Variants in NTNG2 observed in about 807,000 individuals in gnomAD.
The protein encoded by NTNG2 is netrin-G2.
In NTNG2, 15 loss-of-function variants were observed where a neutral mutation model predicts 47.6. That is an observed-to-expected ratio of 0.32 (90% CI 0.21 to 0.49). The LOEUF (loss-of-function observed/expected upper bound fraction) is 0.49, where lower values mean the gene tolerates loss of function less well. NTNG2 is among the 20% of genes least tolerant of loss of function. The pLI, the probability that NTNG2 is intolerant of heterozygous loss-of-function variation, is 0.99. For synonymous variants in NTNG2, 307 were observed against 324.6 expected (o/e 0.95, Z 0.58); for missense variants, 578 against 764.6 (o/e 0.76, Z 2.88).
intron 2 of NTNG2, among the ~76,000 whole-genome samples, chr9:132,170,068 G>A (rs995811858): frequency 2.0e-5 from 3 of 152,106 alleles, no homozygotes; most frequent in African/African-American, 7.2e-5. Flanking sequence ...CCCCTTCAGT[G>A]GCAGGTGCTA....
intron 3 of NTNG2, among the ~76,000 whole-genome samples, chr9:132,199,270 T>G (rs1270661149): frequency 1.3e-5 from 2 of 152,150 alleles, no homozygotes; most frequent in Non-Finnish European, 2.9e-5. Flanking sequence ...GCTCTCATGT[T>G]CAGGGGTTTC....
rs1589375686 is a variant in NTNG2 at position 132,174,419 on chromosome 9, T to G, written c.213+7375T>G. On this transcript the variant is annotated intron_variant, in intron 2 of 7. Transcript: ENST00000393229. ...GCCGCACCATGCTGCGGATGAGAAC[T>G]TGGGCTTCTGGAGGGAGGAGATGGG... Among the ~76,000 whole-genome samples the G allele has an allele frequency of 2.0e-5, 3 of 152,126 alleles. No homozygotes were observed. In the East Asian group the frequency reaches 5.8e-4, roughly 29 times the overall value.
At chr9:132,193,460 A>G (rs1376905439) in intron 2 of NTNG2, among the ~76,000 whole-genome samples, 1 of 152,110 alleles carries the variant, frequency 6.6e-6, no homozygotes, top group African/African-American at 2.4e-5. Flanking sequence ...GAAAACCAGG[A>G]GGACAGACAG....
chr9:132,198,774 C>T (rs1285527509), intron 3 of NTNG2, among the ~76,000 whole-genome samples, 165 bp downstream of exon 3: 2 of 151,914 alleles, frequency 1.3e-5, no homozygotes, highest in South Asian at 2.1e-4. Flanking sequence ...TACATCGTTA[C>T]CTGGTTCCCC....
chr9:132,235,746 G>T (rs1334251673), intron 5 of NTNG2, among the ~76,000 whole-genome samples: 2 of 152,210 alleles, frequency 1.3e-5, no homozygotes, highest in Admixed American at 6.5e-5. Flanking sequence ...CCTGTGATGG[G>T]CCTGAGACCC....
chr9:132,166,932 G>A lies in NTNG2; in HGVS notation c.101G>A (p.Trp34Ter). 1 of 1,614,226 alleles carries A rather than the reference G, an allele frequency of 6.2e-7. No individual in the cohort carries two copies. Among genetic ancestry groups the A allele is most frequent in the Non-Finnish European group, 8.5e-7 (1 of 1,180,042 alleles). ...SWVTTDEGPT[W>*]EFYACQPKVM... ...GTGACCACAGATGAGGGCCCCACCTGGGAGTTCTACGCCTGCCAGCCCAAG... is the reference window on the plus strand; with the variant it reads ...GTGACCACAGATGAGGGCCCCACCTAGGAGTTCTACGCCTGCCAGCCCAAG... The change falls in exon 2 of 8, where the codon TGG (tryptophan) becomes TAG (stop). Residue 34 changes from tryptophan (W) to a stop codon, truncating the protein, a stop_gained. Transcript: ENST00000393229. LOFTEE classifies it high-confidence loss of function.
Position 132,197,956 on chromosome 9 carries a change from C to T in NTNG2, c.214-10C>T. On this transcript the variant is annotated splice_polypyrimidine_tract_variant and intron_variant, in intron 2 of 7. Coordinates refer to ENST00000393229, the MANE Select transcript of NTNG2 (RefSeq NM_032536.4). The surrounding 1 kb of genome is among the most constrained non-coding windows in gnomAD (Gnocchi z 4.3). ...GCACCCACCCTTCCCTTCTCCTCTC[C>T]CCGCTGCAGGAGAATCCCTACCTAT... 6.2e-7 allele frequency: 1 copy of T among 1,603,456 alleles called. No individual in the cohort carries two copies. The highest frequency in any genetic ancestry group is 8.5e-7 in the Non-Finnish European group (1 of 1,174,016).
At chr9:132,235,761 G>T (rs1479588796) in intron 5 of NTNG2, among the ~76,000 whole-genome samples, 1 of 152,228 alleles carries the variant, frequency 6.6e-6, no homozygotes, top group African/African-American at 2.4e-5. Context: ...AGACCCCGGG[G>T]AAGCGCCCTC....
At chr9:132,167,085 G>T (rs1178031548) in intron 2 of NTNG2, 41 bp downstream of exon 2, 3 of 1,603,846 alleles carry the variant, frequency 1.9e-6, no homozygotes, top group Non-Finnish European at 1.7e-6. Flanking sequence ...CAGGCCAAGT[G>T]GGAGGAGGTC....
At position 132,208,217 on chromosome 9, in the gene NTNG2, C is replaced by T. The variant is rs904780128; in HGVS notation, c.857+9608C>T. ...TTGAAGGAGAAACCTGAAGGGGGAACGGGGGCACGGCATTTGTGGCAGGGG... is the reference window on the plus strand; with the variant it reads ...TTGAAGGAGAAACCTGAAGGGGGAATGGGGGCACGGCATTTGTGGCAGGGG... On this transcript the variant is annotated intron_variant, in intron 3 of 7. Coordinates refer to ENST00000393229, the MANE Select transcript of NTNG2 (RefSeq NM_032536.4). This position sits in a 1 kb window ranked among gnomAD's most constrained non-coding sequence, Gnocchi z 4.0. 3.3e-5 allele frequency among the ~76,000 whole-genome samples: 5 copies of T among 151,522 alleles called. No homozygotes were observed. The highest frequency in any genetic ancestry group is 2.1e-4 in the South Asian group (1 of 4,790).
chr9:132,229,020 C>G (rs1305424948), intron 4 of NTNG2, among the ~76,000 whole-genome samples: 1 of 152,178 alleles, frequency 6.6e-6, no homozygotes, highest in African/African-American at 2.4e-5. Flanking sequence ...ATAGACAGGC[C>G]TGTAGGGGCT....
intron 4 of NTNG2, among the ~76,000 whole-genome samples, chr9:132,228,896 G>A (rs1244832622): frequency 6.6e-6 from 1 of 152,078 alleles, no homozygotes; most frequent in Non-Finnish European, 1.5e-5. Flanking sequence ...CCTGCGCCTG[G>A]AGGGTTCTGC....
At chr9:132,170,171 C>T (rs1342708522) in intron 2 of NTNG2, among the ~76,000 whole-genome samples, 1 of 152,320 alleles carries the variant, frequency 6.6e-6, no homozygotes, top group South Asian at 2.1e-4. Context: ...TTTTCAGATG[C>T]GGGGTGCAGA....
chr9:132,217,095 C>T (rs898870083), intron 3 of NTNG2, among the ~76,000 whole-genome samples: 3 of 152,212 alleles, frequency 2.0e-5, no homozygotes, highest in South Asian at 2.1e-4. Flanking sequence ...CTGCTTCTTC[C>T]ACCCACAGCC....
chr9:132,176,175 C>T (rs1160780817), intron 2 of NTNG2, among the ~76,000 whole-genome samples: 4 of 145,498 alleles, frequency 2.7e-5, no homozygotes, highest in African/African-American at 1.0e-4. Flanking sequence ...GTAGTGAGAC[C>T]CCATCTCTCA....
chr9:132,178,801 A>G (rs1041496473), intron 2 of NTNG2, among the ~76,000 whole-genome samples: 1 of 132,366 alleles, frequency 7.6e-6, no homozygotes, highest in East Asian at 2.2e-4. Context: ...AAAAAAAAAA[A>G]AAAAATTAGC....
intron 2 of NTNG2, among the ~76,000 whole-genome samples, chr9:132,176,695 T>G (rs1391395907): frequency 6.6e-6 from 1 of 152,258 alleles, no homozygotes; most frequent in East Asian, 1.9e-4. Flanking sequence ...TCATTTCTCT[T>G]GGCTGTCTAC....
intron 5 of NTNG2, among the ~76,000 whole-genome samples, chr9:132,235,816 G>C (rs1017801366): frequency 2.0e-5 from 3 of 152,190 alleles, no homozygotes; most frequent in Non-Finnish European, 2.9e-5. Context: ...TAGCAGGTGT[G>C]CATGGTGGGG....
At chr9:132,202,871 CT>C (rs1195572359) in intron 3 of NTNG2, among the ~76,000 whole-genome samples, 1 of 152,132 alleles carries the variant, frequency 6.6e-6, no homozygotes, top group African/African-American at 2.4e-5. Context: ...GTGGAAGCTG[CT>C]GCATCCATGG....
Sources: gnomAD v4.1 joint callset for allele counts (sites outside exome capture counted in the v4.1 genomes callset) on GRCh38, gnomAD v4.1.1 for gene constraint, Gnocchi (gnomAD v3.1) non-coding constraint, MANE v1.5 for transcripts, NCBI Gene and HGNC (gene_info 2026-07-23, HGNC 2026-07-21) for gene names.